The following LNX1 variants were observed in gnomAD, a reference collection of about 807,000 sequenced individuals.
LNX1 encodes the protein ligand of numb-protein X 1.
A neutral mutation model predicts 68.4 loss-of-function variants in LNX1; 54 were observed. That is an observed-to-expected ratio of 0.79 (90% CI 0.63 to 0.99). LNX1 has a LOEUF of 0.99. LNX1 is among the 50% of genes least tolerant of loss of function. The pLI, the probability that LNX1 is intolerant of heterozygous loss-of-function variation, is 0.00. For missense variants in LNX1, 906 were observed against 926.4 expected (o/e 0.98, Z 0.29); for synonymous variants, 336 against 350.0 (o/e 0.96, Z 0.45).
intron 9 of LNX1, among the ~76,000 whole-genome samples, chr4:53,463,421 G>A (rs565650067): frequency 6.6e-6 from 1 of 152,112 alleles, no homozygotes; most frequent in Admixed American, 6.6e-5. Flanking sequence ...TTGCCGCAGC[G>A]AGAACTCCGT....
At chr4:53,599,929 T>C (rs969322377) in intron 2 of LNX1, among the ~76,000 whole-genome samples, 5 of 152,212 alleles carry the variant, frequency 3.3e-5, no homozygotes, top group African/African-American at 1.2e-4. Context: ...CATTGCACCT[T>C]GGGAAGAACT....
rs572491731 is a variant in LNX1, at chr4:53,472,051, G to A, written c.1892+4702C>T. On this transcript the variant is annotated intron_variant, in intron 9 of 10. Transcript: ENST00000263925. The stretch of plus-strand genomic sequence containing the variant: ...ACACATGCACACTTATGTTTATTGC[G>A]GCACTATTCACAATAACAAAGACTT... 3.9e-4 allele frequency among the ~76,000 whole-genome samples: 59 copies of A among 152,212 alleles called. 1 individual carries two copies. The highest frequency in any genetic ancestry group is 3.4e-3 in the Middle Eastern group (1 of 294).
chr4:53,622,320 A>G (rs893480062), upstream of LNX1, among the ~76,000 whole-genome samples: 3 of 152,182 alleles, frequency 2.0e-5, no homozygotes, highest in Non-Finnish European at 4.4e-5. Flanking sequence ...TTGACTTTTC[A>G]AAGTGCGTGG....
chr4:53,601,824 G>A (rs534377561), intron 2 of LNX1, among the ~76,000 whole-genome samples: 23 of 152,222 alleles, frequency 1.5e-4, no homozygotes, highest in African/African-American at 5.5e-4. Context: ...CATGCCAGGG[G>A]TCACTGCAGG....
chr4:53,597,925 G>A (rs1732827054), intron 2 of LNX1, among the ~76,000 whole-genome samples: 1 of 152,112 alleles, frequency 6.6e-6, no homozygotes, highest in Non-Finnish European at 1.5e-5. Context: ...TCTCACATTT[G>A]TTGAACCATT....
chr4:53,621,479 G>A (rs764768752), upstream of LNX1, among the ~76,000 whole-genome samples: 9 of 152,078 alleles, frequency 5.9e-5, no homozygotes, highest in South Asian at 2.1e-4. Context: ...ATGGGTGCTC[G>A]GTCAATGTTC....
chr4:53,593,684 C>T (rs762714977), upstream of LNX1, among the ~76,000 whole-genome samples: 2 of 150,510 alleles, frequency 1.3e-5, no homozygotes, highest in Non-Finnish European at 3.0e-5. Context: ...TTTTTTTGGG[C>T]CATTAGGGCT....
intron 1 of LNX1, among the ~76,000 whole-genome samples, chr4:53,643,592 G>T (rs6818959): frequency 6.6e-6 from 1 of 151,916 alleles, no homozygotes; most frequent in African/African-American, 2.4e-5. Flanking sequence ...AAAATTCAGG[G>T]GACTGAAGAA....
chr4:53,507,564 CAG>C, intron 3 of LNX1, 95 bp from the exon 4 acceptor site: 1 of 1,323,236 alleles, frequency 7.6e-7, no homozygotes, highest in South Asian at 1.3e-5. Flanking sequence ...AAGACATTAA[CAG>C]TGACTACCTC....
intron 2 of LNX1, among the ~76,000 whole-genome samples, chr4:53,571,220 A>G (rs1242379972): frequency 6.6e-6 from 1 of 151,638 alleles, no homozygotes; most frequent in Non-Finnish European, 1.5e-5. Context: ...GGGTTTCACT[A>G]TGTTAGCCAA....
chr4:53,605,544 C>G (rs1245147087), intron 2 of LNX1, among the ~76,000 whole-genome samples: 1 of 152,148 alleles, frequency 6.6e-6, no homozygotes, highest in Non-Finnish European at 1.5e-5. Flanking sequence ...CTTATCCACT[C>G]TATATAACTA....
At chr4:53,499,683 A>G (rs1356206359) in intron 4 of LNX1, among the ~76,000 whole-genome samples, 1 of 152,228 alleles carries the variant, frequency 6.6e-6, no homozygotes, top group Non-Finnish European at 1.5e-5. Flanking sequence ...TTGCCCTCTC[A>G]GATAATTTTG....
At chr4:53,604,553 G>C (rs1431913679) in intron 2 of LNX1, among the ~76,000 whole-genome samples, 5 of 152,204 alleles carry the variant, frequency 3.3e-5, no homozygotes, top group Admixed American at 6.5e-5. Context: ...AATTCTTATG[G>C]GTTGTGGTAC....
At chr4:53,595,374 A>G (rs1313968752), upstream of LNX1, among the ~76,000 whole-genome samples, 1 of 152,230 alleles carries the variant, frequency 6.6e-6, no homozygotes, top group Non-Finnish European at 1.5e-5. Flanking sequence ...TAACTGCTTC[A>G]TGTCCTCACA....
intron 1 of LNX1, among the ~76,000 whole-genome samples, chr4:53,627,738 A>G (rs1734131200): frequency 6.6e-6 from 1 of 152,220 alleles, no homozygotes; most frequent in Non-Finnish European, 1.5e-5. Context: ...GATTTAACTA[A>G]CACAGCACAT....
At chr4:53,552,802 C>A in intron 2 of LNX1, among the ~76,000 whole-genome samples, 1 of 138,122 alleles carries the variant, frequency 7.2e-6, no homozygotes. Context: ...GTATTCCAGC[C>A]TGGGCAACAG....
At chr4:53,492,867 G>A (rs1311248522) in intron 6 of LNX1, among the ~76,000 whole-genome samples, 4 of 152,188 alleles carry the variant, frequency 2.6e-5, no homozygotes, top group East Asian at 1.9e-4. Flanking sequence ...TTATCCACAG[G>A]AAGATATGAA....
chr4:53,531,482 A>T (rs1217515810), intron 2 of LNX1, among the ~76,000 whole-genome samples: 1 of 152,212 alleles, frequency 6.6e-6, no homozygotes, highest in Non-Finnish European at 1.5e-5. Context: ...CTATACACAC[A>T]GCTCCCTGGA....
At chr4:53,649,539 C>G (rs1297391508) in intron 1 of LNX1, among the ~76,000 whole-genome samples, 1 of 152,212 alleles carries the variant, frequency 6.6e-6, no homozygotes, top group Non-Finnish European at 1.5e-5. Context: ...ACAGCCTGCA[C>G]CTGTCTGGAC....
Sources: gnomAD v4.1 joint callset for allele counts (sites outside exome capture counted in the v4.1 genomes callset) on GRCh38, gnomAD v4.1.1 for gene constraint, MANE v1.5 for transcripts, NCBI Gene and HGNC (gene_info 2026-07-23, HGNC 2026-07-21) for gene names.